Variants in SLC35F2 observed in about 807,000 individuals in gnomAD.
SLC35F2 encodes solute carrier family 35 member F2, also known as queuine/queuosine transporter SLC35F2.
A neutral mutation model predicts 38.1 loss-of-function variants in SLC35F2; 25 were observed. That is an observed-to-expected ratio of 0.66 (90% CI 0.48 to 0.92). The LOEUF (loss-of-function observed/expected upper bound fraction) is 0.92. SLC35F2 is among the 40% of genes least tolerant of loss of function. The pLI, the probability that SLC35F2 is intolerant of heterozygous loss-of-function variation, is 0.00. For synonymous variants in SLC35F2, 173 were observed against 181.7 expected (o/e 0.95, Z 0.38); for missense variants, 409 against 452.9 (o/e 0.90, Z 0.88).
chr11:107,843,905 A>ATATATATG (rs1555086788), intron 1 of SLC35F2, among the ~76,000 whole-genome samples: 1 of 123,756 alleles, frequency 8.1e-6, no homozygotes, highest in Non-Finnish European at 1.7e-5. Context: ...ATATATATAT[A>ATATATATG]TATGTATATT....
chr11:107,807,271 C>CAAAAAAAAA lies in SLC35F2; in HGVS notation c.415-404_415-396dup, dbSNP rs201964530. Among the ~76,000 whole-genome samples the CAAAAAAAAA allele has an allele frequency of 2.0e-3, 144 of 70,864 alleles. 12 individuals carry two copies. Among genetic ancestry groups the CAAAAAAAAA allele is most frequent in the Admixed American group, 4.6e-3 (25 of 5,460 alleles). 46.5% of individuals were successfully genotyped at this position (70,864 alleles called of 152,430 possible). A position where few individuals can be genotyped will look rare whatever the true frequency, so the allele number is the denominator to read the frequency against. On this transcript the variant is annotated intron_variant, in intron 3 of 7. Coordinates refer to ENST00000525815, the MANE Select transcript of SLC35F2 (RefSeq NM_017515.5). ...GCAACATGGTGAAACCCTGTCTGTA[C>CAAAAAAAAA]AAAAAAAAAAAAAAACAACAACAAA...
chr11:107,800,840 T>A (rs192116304), intron 7 of SLC35F2, among the ~76,000 whole-genome samples: 5 of 151,268 alleles, frequency 3.3e-5, no homozygotes, highest in African/African-American at 1.2e-4. Context: ...CAAAGTATAA[T>A]CCAAAATCCT....
intron 1 of SLC35F2, among the ~76,000 whole-genome samples, chr11:107,844,570 T>A (rs1339096126): frequency 6.7e-6 from 1 of 149,940 alleles, no homozygotes; most frequent in Non-Finnish European, 1.5e-5. Flanking sequence ...TGCAGTGAAC[T>A]GAGATCGCCC....
At chr11:107,798,455 A>G (rs1859254109) in intron 7 of SLC35F2, among the ~76,000 whole-genome samples, 1 of 152,228 alleles carries the variant, frequency 6.6e-6, no homozygotes, top group African/African-American at 2.4e-5. Context: ...CTCTCTTAAG[A>G]AGGCAGGTGA....
In SLC35F2 at chr11:107,806,771, C is replaced by T. The variant is rs935957404; in HGVS notation, c.520G>A (p.Gly174Ser). Residue 174 changes from glycine (G) to serine (S), a missense_variant, in exon 4 of 8, where the codon GGT (glycine) becomes AGT (serine). Transcript: ENST00000525815. ...TCTGCACCAACCATGGTTCCTACAC[C>T]CAACAGACAGACAGCCACGGCGATG... ...HFIAVAVCLLGVGTMVGADIL... is the reference protein window; with the variant it reads ...HFIAVAVCLLSVGTMVGADIL... 1 of 1,614,050 alleles carries T rather than the reference C, an allele frequency of 6.2e-7. No homozygotes were observed. Among genetic ancestry groups the T allele is most frequent in the Non-Finnish European group, 8.5e-7 (1 of 1,179,962 alleles).
At chr11:107,821,614 C>T (rs1425608665) in intron 1 of SLC35F2, 1 of 985,400 alleles carries the variant, frequency 1.0e-6, no homozygotes, top group Non-Finnish European at 1.2e-6. Flanking sequence ...CATGTGAATT[C>T]TGAACAGAGG....
At chr11:107,810,803 A>G in intron 3 of SLC35F2, 1 of 980,770 alleles carries the variant, frequency 1.0e-6, no homozygotes, top group Non-Finnish European at 1.2e-6. Flanking sequence ...CAATCCTTAT[A>G]TTTTCTATGC....
chr11:107,827,459 A>G (rs1021798930), intron 1 of SLC35F2, among the ~76,000 whole-genome samples: 1 of 151,980 alleles, frequency 6.6e-6, no homozygotes, highest in African/African-American at 2.4e-5. Flanking sequence ...TACTAAAAAT[A>G]CAAAAATGGC....
At chr11:107,854,222 AAG>A (rs1860239928) in intron 1 of SLC35F2, among the ~76,000 whole-genome samples, 1 of 152,000 alleles carries the variant, frequency 6.6e-6, no homozygotes, top group African/African-American at 2.4e-5. Flanking sequence ...ACTTGAGCCA[AAG>A]AGTTTGAGAC....
chr11:107,834,158 C>T (rs890876797), intron 1 of SLC35F2, among the ~76,000 whole-genome samples: 7 of 152,146 alleles, frequency 4.6e-5, no homozygotes, highest in Non-Finnish European at 1.0e-4. Context: ...GGGTAAGGAG[C>T]CCTTAGTGTC....
intron 1 of SLC35F2, among the ~76,000 whole-genome samples, chr11:107,830,224 TA>T (rs1363762258): frequency 6.6e-6 from 1 of 152,200 alleles, no homozygotes; most frequent in African/African-American, 2.4e-5. Flanking sequence ...ATTTGACAAC[TA>T]AATCTTTGCA....
chr11:107,816,407 A>G (rs890262402), intron 1 of SLC35F2: 2 of 443,828 alleles, frequency 4.5e-6, no homozygotes, highest in South Asian at 9.6e-5. Context: ...TCAGCCTCCA[A>G]ATAACTGGGA....
intron 1 of SLC35F2, among the ~76,000 whole-genome samples, chr11:107,837,724 G>A (rs1436856929): frequency 6.6e-6 from 1 of 151,736 alleles, no homozygotes; most frequent in African/African-American, 2.4e-5. Context: ...AATTAATTGT[G>A]GGAATAAAGA....
At chr11:107,813,877 C>T (rs1278453425) in intron 2 of SLC35F2, among the ~76,000 whole-genome samples, 1 of 152,124 alleles carries the variant, frequency 6.6e-6, no homozygotes, top group Non-Finnish European at 1.5e-5. Context: ...GTTGCCCAGG[C>T]TTGTCTTGAA....
intron 1 of SLC35F2, among the ~76,000 whole-genome samples, chr11:107,845,995 G>T (rs867776838): frequency 2.3e-5 from 3 of 129,926 alleles, no homozygotes; most frequent in Admixed American, 8.2e-5. Context: ...AAATAACATA[G>T]GCTCCTGTCA....
intron 1 of SLC35F2, among the ~76,000 whole-genome samples, chr11:107,857,180 G>GT (rs1019630665): frequency 1.3e-4 from 17 of 132,810 alleles, no homozygotes; most frequent in African/African-American, 4.7e-4. Context: ...TAAGTGACTT[G>GT]TCCAAGACGG....
chr11:107,836,299 A>G (rs1055264909), intron 1 of SLC35F2, among the ~76,000 whole-genome samples: 5 of 151,018 alleles, frequency 3.3e-5, no homozygotes, highest in Admixed American at 6.6e-5. Context: ...ATTTTCACCA[A>G]CATCTAGGTG....
At chr11:107,811,646 G>C in intron 3 of SLC35F2, 21 bp downstream of exon 3, 2 of 1,592,616 alleles carry the variant, frequency 1.3e-6, no homozygotes, top group Non-Finnish European at 1.7e-6. Flanking sequence ...AATCCAAAGT[G>C]GTCAGAGGGC....
chr11:107,795,389 C>T (rs546852191), intron 7 of SLC35F2, among the ~76,000 whole-genome samples: 49 of 152,254 alleles, frequency 3.2e-4, no homozygotes, highest in African/African-American at 1.1e-3. Flanking sequence ...CAGGGAAACA[C>T]TTTAGGACAT....
Sources: allele counts gnomAD v4.1 joint callset (sites outside exome capture counted in the v4.1 genomes callset), GRCh38; gene constraint gnomAD v4.1.1; transcripts MANE v1.5; gene names NCBI Gene and HGNC (gene_info 2026-07-23, HGNC 2026-07-21).